Variants in LASP1 observed in about 807,000 individuals in gnomAD.
The protein encoded by LASP1 is LIM and SH3 protein 1.
LASP1 carries 10 observed loss-of-function variants against 38.6 expected under a neutral mutation model. That is an observed-to-expected ratio of 0.26 (90% CI 0.16 to 0.44). The LOEUF (loss-of-function observed/expected upper bound fraction) is 0.44, where lower values mean the gene tolerates loss of function less well. LASP1 is among the 20% of genes least tolerant of loss of function. LASP1 has a pLI of 1.00. For missense variants in LASP1, 243 were observed against 375.7 expected, an observed-to-expected ratio of 0.65 and a Z score of 2.92; for synonymous variants, 132 against 140.8, an observed-to-expected ratio of 0.94 and a Z score of 0.44.
intron 4 of LASP1, 115 bp downstream of exon 4, chr17:38,898,634 C>T: frequency 7.8e-6 from 6 of 773,162 alleles, no homozygotes; most frequent in Non-Finnish European, 1.3e-5. Flanking sequence ...CTCCACTACC[C>T]CTGCCCTCCA....
intron 1 of LASP1, among the ~76,000 whole-genome samples, chr17:38,877,002 G>A (rs1167330775): frequency 2.6e-5 from 4 of 152,268 alleles, no homozygotes; most frequent in East Asian, 1.9e-4. Context: ...GTGCCCGGCC[G>A]TGTCCCACAT....
intron 1 of LASP1, among the ~76,000 whole-genome samples, chr17:38,874,967 G>A (rs1913718741): frequency 6.6e-6 from 1 of 152,112 alleles, no homozygotes; most frequent in Non-Finnish European, 1.5e-5. Flanking sequence ...CTGGCCATCT[G>A]GAGTAGGGGT....
intron 4 of LASP1, among the ~76,000 whole-genome samples, chr17:38,909,860 G>C (rs142889357): frequency 3.5e-4 from 54 of 152,230 alleles, no homozygotes; most frequent in Middle Eastern, 3.4e-3. Context: ...TGATTCTCAT[G>C]ACTCGGCTTC....
At chr17:38,893,113 G>C (rs1914389162) in intron 3 of LASP1, among the ~76,000 whole-genome samples, 1 of 152,240 alleles carries the variant, frequency 6.6e-6, no homozygotes, top group Non-Finnish European at 1.5e-5. Context: ...CATACAGATA[G>C]GGAAACTGAG....
intron 2 of LASP1, among the ~76,000 whole-genome samples, chr17:38,884,372 CTT>C (rs527674429): frequency 0.071 from 9,715 of 137,072 alleles, 656 homozygotes; most frequent in East Asian, 0.37. Flanking sequence ...GTATCATATC[CTT>C]TTTTTTTTTT....
chr17:38,883,224 A>C lies in LASP1; in HGVS notation c.164+5044A>C, dbSNP rs1270683382. Among the ~76,000 whole-genome samples the C allele has an allele frequency of 2.0e-5, 3 of 152,004 alleles. No individual in the cohort carries two copies. In the East Asian group the frequency reaches 5.8e-4, roughly 29 times the overall value. ...ACCAGCCTCATCTCTACAAAAAATG[A>C]AATAAATTAGCCGAGTGTGGTGGTG... On this transcript the variant is annotated intron_variant, in intron 2 of 6. Transcript: ENST00000318008.
intron 3 of LASP1, 54 bp downstream of exon 3, chr17:38,890,558 G>T (rs1914282482): frequency 3.3e-6 from 5 of 1,533,680 alleles, no homozygotes; most frequent in Non-Finnish European, 4.5e-6. Context: ...GGGGAGGGAA[G>T]TTGTAAGGTC....
chr17:38,910,457 C>G (rs572119908), intron 4 of LASP1, among the ~76,000 whole-genome samples: 90 of 152,078 alleles, frequency 5.9e-4, no homozygotes, highest in Non-Finnish European at 6.3e-4. Context: ...TTCTTCCCCC[C>G]CTCCACCGCC....
At chr17:38,911,158 T>C (rs1213596192) in intron 4 of LASP1, among the ~76,000 whole-genome samples, 1 of 152,112 alleles carries the variant, frequency 6.6e-6, no homozygotes, top group Non-Finnish European at 1.5e-5. Context: ...CTTCACTACC[T>C]TCCAGGAGCT....
At chr17:38,888,692 G>A (rs1285352822) in intron 2 of LASP1, among the ~76,000 whole-genome samples, 1 of 152,244 alleles carries the variant, frequency 6.6e-6, no homozygotes, top group Non-Finnish European at 1.5e-5. Context: ...GAGAAGTAGT[G>A]GAGAGAGAAG....
At chr17:38,900,267 C>T (rs1284133267) in intron 4 of LASP1, among the ~76,000 whole-genome samples, 1 of 148,716 alleles carries the variant, frequency 6.7e-6, no homozygotes, top group African/African-American at 2.5e-5. Context: ...GTGGTCCTAG[C>T]TATTCAGGAG....
Position 38,874,660 on chromosome 17 carries a change from T to A in LASP1, c.70-3426T>A, listed in dbSNP as rs532303463. 4.6e-5 allele frequency among the ~76,000 whole-genome samples: 7 copies of A among 152,276 alleles called. No homozygotes were observed. The East Asian group carries it at 1.4e-3, about 29-fold the overall frequency. On this transcript the variant is annotated intron_variant, in intron 1 of 6. Coordinates refer to ENST00000318008, the MANE Select transcript of LASP1 (RefSeq NM_006148.4). The stretch of plus-strand genomic sequence containing the variant: ...TGGCTGCAGCTCCACTTGACACTTG[T>A]GCTTCATAGTAACTGGTTTCCATGT...
intron 4 of LASP1, among the ~76,000 whole-genome samples, chr17:38,911,258 G>A (rs772105131): frequency 5.9e-5 from 9 of 152,158 alleles, no homozygotes; most frequent in Non-Finnish European, 1.3e-4. Context: ...CTGGAGCCAG[G>A]GCCAGCGTCC....
intron 4 of LASP1, among the ~76,000 whole-genome samples, chr17:38,899,767 C>CT (rs112201194): frequency 0.077 from 7,392 of 96,616 alleles, 582 homozygotes; most frequent in African/African-American, 0.22. Context: ...TTTTTTGAGA[C>CT]AGAGTCTCAC....
In LASP1 at chr17:38,870,085, G is replaced by C; in HGVS notation, c.-105G>C. On this transcript the variant is annotated 5_prime_UTR_variant, in exon 1 of 7. Transcript: ENST00000318008. Reference sequence around the variant, plus strand: ...CAGTTCCCCAGCTCCAGCCGCCGTCGCTGCTGCCTGTGTAGTTGCAGCCGC... The same window carrying C: ...CAGTTCCCCAGCTCCAGCCGCCGTCCCTGCTGCCTGTGTAGTTGCAGCCGC... 1 of 1,239,510 alleles carries C rather than the reference G, an allele frequency of 8.1e-7. No homozygotes were observed. Among genetic ancestry groups the C allele is most frequent in the Non-Finnish European group, 1.2e-6 (1 of 864,446 alleles). The allele number at this position is 1,239,510 out of a possible 1,614,324, so 76.8% of individuals were successfully genotyped here. A position where few individuals can be genotyped will look rare whatever the true frequency, so the allele number is the denominator to read the frequency against.
intron 2 of LASP1, among the ~76,000 whole-genome samples, chr17:38,885,544 C>T (rs1194320232): frequency 6.6e-6 from 1 of 152,156 alleles, no homozygotes; most frequent in Non-Finnish European, 1.5e-5. Flanking sequence ...TGCAGAGAGC[C>T]CACCACCCAC....
intron 4 of LASP1, among the ~76,000 whole-genome samples, chr17:38,905,932 C>T (rs186376603): frequency 6.6e-6 from 1 of 152,192 alleles, no homozygotes; most frequent in Non-Finnish European, 1.5e-5. Context: ...TGGTGGCATC[C>T]ACCTGTAGTC....
Position 38,920,869 on chromosome 17 carries a change from G to A in LASP1, c.*2091G>A. The A allele has an allele frequency of 4.3e-6, 1 of 232,540 alleles. No homozygotes were observed. Among genetic ancestry groups the A allele is most frequent in the Non-Finnish European group, 8.5e-6 (1 of 117,358 alleles). 14.4% of individuals were successfully genotyped at this position (232,540 alleles called of 1,614,324 possible). ...TCCTCTTGATCTCAAAGCACAATGT[G>A]GATTTGGGGACCAAAGGTCAGGGAC... On this transcript the variant is annotated 3_prime_UTR_variant, in exon 7 of 7. Coordinates refer to ENST00000318008, the MANE Select transcript of LASP1 (RefSeq NM_006148.4).
intron 2 of LASP1, among the ~76,000 whole-genome samples, chr17:38,889,732 A>C (rs1567698293): frequency 6.6e-6 from 1 of 152,188 alleles, no homozygotes; most frequent in Non-Finnish European, 1.5e-5. Context: ...AAAAAATCCA[A>C]AATCTGAAAC....
Sources: gnomAD v4.1 joint callset for allele counts (sites outside exome capture counted in the v4.1 genomes callset) on GRCh38, gnomAD v4.1.1 for gene constraint, MANE v1.5 for transcripts, NCBI Gene and HGNC (gene_info 2026-07-23, HGNC 2026-07-21) for gene names.